The following OSBPL10 variants were observed in gnomAD, a reference collection of about 807,000 sequenced individuals.
The protein encoded by OSBPL10 is oxysterol binding protein like 10, also known as oxysterol-binding protein-related protein 10.
Under a neutral mutation model 81.7 loss-of-function variants are expected in OSBPL10, and 49 were observed. That is an observed-to-expected ratio of 0.60 (90% CI 0.48 to 0.76). The LOEUF (loss-of-function observed/expected upper bound fraction) is 0.76. OSBPL10 is among the 30% of genes least tolerant of loss of function. The pLI, the probability that OSBPL10 is intolerant of heterozygous loss-of-function variation, is 0.00. For missense variants in OSBPL10, 923 were observed against 987.8 expected (o/e 0.93, Z 0.88); for synonymous variants, 419 against 383.6 (o/e 1.09, Z -1.08).
At chr3:31,749,705 C>T (rs1055388124) in intron 4 of OSBPL10, among the ~76,000 whole-genome samples, 1 of 152,056 alleles carries the variant, frequency 6.6e-6, no homozygotes, top group Non-Finnish European at 1.5e-5. Flanking sequence ...GTCCCAGCTA[C>T]TCAGGAGGCT....
intron 3 of OSBPL10, among the ~76,000 whole-genome samples, chr3:31,875,119 T>G (rs1043670300): frequency 1.0e-4 from 15 of 147,052 alleles, no homozygotes; most frequent in Non-Finnish European, 2.2e-4. Context: ...ACAGTATGCA[T>G]GTGATCCCCA....
chr3:31,702,548 A>G (rs751166783), intron 6 of OSBPL10, 40 bp from the exon 7 acceptor site: 42 of 1,611,648 alleles, frequency 2.6e-5, no homozygotes, highest in Non-Finnish European at 3.1e-5. Context: ...AGCTGGCCCA[A>G]TAGAAGTTAG....
rs34866624 is a variant in OSBPL10, at chr3:31,775,174, C to CA, written c.730-27055dup. 1.9e-3 allele frequency among the ~76,000 whole-genome samples: 292 copies of CA among 151,562 alleles called. 2 individuals carry two copies. Among genetic ancestry groups the CA allele is most frequent in the Non-Finnish European group, 3.3e-3 (222 of 67,844 alleles). Reference sequence around the variant, plus strand: ...GTGACAGAGTGAGACTCTCTCTCTCCAAAAAAAGAATGGAGCTGTGGAAGG... The same window carrying CA: ...GTGACAGAGTGAGACTCTCTCTCTCCAAAAAAAAGAATGGAGCTGTGGAAGG... On this transcript the variant is annotated intron_variant, in intron 4 of 11. Transcript: ENST00000396556.
chr3:31,893,436 CTG>C (rs776759921), intron 1 of OSBPL10, among the ~76,000 whole-genome samples: 1 of 152,166 alleles, frequency 6.6e-6, no homozygotes, highest in Non-Finnish European at 1.5e-5. Flanking sequence ...TATGGAGAAA[CTG>C]GAACCTTTCC....
chr3:31,791,381 T>C (rs955948756), intron 4 of OSBPL10, among the ~76,000 whole-genome samples: 1 of 152,030 alleles, frequency 6.6e-6, no homozygotes, highest in Non-Finnish European at 1.5e-5. Context: ...CTGAAAGGAG[T>C]TGAAGTCTGT....
intron 4 of OSBPL10, among the ~76,000 whole-genome samples, chr3:31,815,360 T>C (rs1216151773): frequency 6.6e-6 from 1 of 152,150 alleles, no homozygotes; most frequent in African/African-American, 2.4e-5. Flanking sequence ...GCTGTTGAGT[T>C]TGGAGATGTT....
intron 1 of OSBPL10, among the ~76,000 whole-genome samples, chr3:31,917,899 G>C (rs1217893244): frequency 6.6e-6 from 1 of 151,612 alleles, no homozygotes; most frequent in East Asian, 1.9e-4. Context: ...AAAACATCAA[G>C]GGACTCTGAT....
intron 3 of OSBPL10, among the ~76,000 whole-genome samples, chr3:31,869,899 C>T (rs1004576484): frequency 6.6e-6 from 1 of 152,246 alleles, no homozygotes; most frequent in Non-Finnish European, 1.5e-5. Flanking sequence ...TGCCAACAGG[C>T]CAGTTCCTGA....
intron 5 of OSBPL10, among the ~76,000 whole-genome samples, chr3:31,734,830 T>G (rs1325145894): frequency 2.0e-5 from 3 of 152,156 alleles, no homozygotes; most frequent in Admixed American, 6.5e-5. Context: ...AAAAGAAAAA[T>G]TAGGCTAAAG....
At chr3:31,764,955 C>T (rs1426077021) in intron 4 of OSBPL10, among the ~76,000 whole-genome samples, 1 of 152,166 alleles carries the variant, frequency 6.6e-6, no homozygotes, top group Non-Finnish European at 1.5e-5. Context: ...CCATCATCCT[C>T]CCAAAAGGCC....
Position 31,876,409 on chromosome 3 carries a change from C to T in OSBPL10, c.537+24G>A, listed in dbSNP as rs868258125. On this transcript the variant is annotated intron_variant, in intron 3 of 11. Coordinates refer to ENST00000396556, the MANE Select transcript of OSBPL10 (RefSeq NM_017784.5). ...AGCCAGGCTGGTTATTCGAATGCCT[C>T]CTTCCTTTCTCACGGTGACTTACCT... 4.4e-6 allele frequency: 7 copies of T among 1,581,344 alleles called. No individual in the cohort carries two copies. The African/African-American group carries it at 9.4e-5, about 21-fold the overall frequency.
chr3:31,921,549 A>G (rs1296648771), intron 1 of OSBPL10, among the ~76,000 whole-genome samples: 1 of 152,228 alleles, frequency 6.6e-6, no homozygotes, highest in Admixed American at 6.5e-5. Context: ...AAATAAAGTA[A>G]CATGGGTCTA....
At chr3:31,989,004 A>G (rs1698983333) in intron 2 of OSBPL10, 1 of 1,562,580 alleles carries the variant, frequency 6.4e-7, no homozygotes, top group Non-Finnish European at 8.7e-7. Context: ...TCTCGGAAAC[A>G]GATAACTAAT....
intron 10 of OSBPL10, among the ~76,000 whole-genome samples, chr3:31,667,605 A>G (rs1348159298): frequency 2.6e-5 from 4 of 152,244 alleles, no homozygotes; most frequent in Non-Finnish European, 5.9e-5. Context: ...TCGTATTTCT[A>G]AAGAGTGTAT....
chr3:31,793,019 A>T (rs1352517277), intron 4 of OSBPL10, among the ~76,000 whole-genome samples: 1 of 152,120 alleles, frequency 6.6e-6, no homozygotes, highest in Non-Finnish European at 1.5e-5. Context: ...AGCATGAAAC[A>T]AGTTTTCATC....
chr3:31,983,742 G>A (rs375530359), upstream of OSBPL10, among the ~76,000 whole-genome samples: 15 of 152,158 alleles, frequency 9.9e-5, no homozygotes, highest in African/African-American at 1.4e-4. Flanking sequence ...TTGACCTACC[G>A]TAGTATAGCA....
intron 6 of OSBPL10, 27 bp downstream of exon 6, chr3:31,733,230 A>T: frequency 6.2e-7 from 1 of 1,606,736 alleles, no homozygotes; most frequent in Non-Finnish European, 8.5e-7. Flanking sequence ...ACAAGCCATG[A>T]ATGCACTGAG....
intron 1 of OSBPL10, among the ~76,000 whole-genome samples, chr3:31,940,728 G>T (rs1191073950): frequency 6.6e-6 from 1 of 151,902 alleles, no homozygotes; most frequent in Non-Finnish European, 1.5e-5. Flanking sequence ...CACAGCTTTG[G>T]CATGGCCACC....
At chr3:31,783,111 T>TTTTATATATATATATATATATATA (rs1048319563) in intron 4 of OSBPL10, among the ~76,000 whole-genome samples, 3 of 121,680 alleles carry the variant, frequency 2.5e-5, no homozygotes, top group African/African-American at 7.3e-5. Context: ...AATATATCTA[T>TTTTATATATATATATATATATATA]TATATATATA....
Sources: allele counts gnomAD v4.1 joint callset (sites outside exome capture counted in the v4.1 genomes callset), GRCh38; gene constraint gnomAD v4.1.1; transcripts MANE v1.5; gene names NCBI Gene and HGNC (gene_info 2026-07-23, HGNC 2026-07-21).